The following SPDYC variants were observed in gnomAD, a reference collection of about 807,000 sequenced individuals.
SPDYC encodes the protein speedy/RINGO cell cycle regulator family member C.
SPDYC carries 25 observed loss-of-function variants against 33.9 expected under a neutral mutation model. The ratio of observed to expected loss-of-function variants is 0.74; its 90% CI spans 0.54 to 1.03. The LOEUF (loss-of-function observed/expected upper bound fraction) is 1.03, where lower values mean the gene tolerates loss of function less well. SPDYC is among the 50% of genes least tolerant of loss of function. The pLI is 0.00. For synonymous variants in SPDYC, 133 were observed against 140.2 expected (o/e 0.95, Z 0.36); for missense variants, 349 against 382.9 (o/e 0.91, Z 0.74).
intron 2 of SPDYC, among the ~76,000 whole-genome samples, 194 bp from the exon 3 acceptor site, chr11:65,171,749 C>G (rs1198757788): frequency 6.6e-6 from 1 of 151,886 alleles, no homozygotes; most frequent in African/African-American, 2.4e-5. Flanking sequence ...GCCAGGAGTT[C>G]AAGACCAGCC....
In SPDYC at chr11:65,172,418, G is replaced by T. The variant is rs557015985; in HGVS notation, c.345-16G>T. Reference sequence around the variant, plus strand: ...TGTGTGGCCTCTGCTCCCTGACCTTGTGCCTCTGTGGCTAGGTACCTTGCA... The same window carrying T: ...TGTGTGGCCTCTGCTCCCTGACCTTTTGCCTCTGTGGCTAGGTACCTTGCA... On this transcript the variant is annotated splice_polypyrimidine_tract_variant and intron_variant, in intron 4 of 6. Coordinates refer to ENST00000377185, the Ensembl canonical transcript of SPDYC. 6.2e-7 allele frequency: 1 copy of T among 1,609,522 alleles called. No individual in the cohort carries two copies. The highest frequency in any genetic ancestry group is 2.2e-5 in the East Asian group (1 of 44,734).
intron 1 of SPDYC, among the ~76,000 whole-genome samples, chr11:65,170,604 T>C (rs376057399): frequency 2.1e-5 from 3 of 143,290 alleles, no homozygotes; most frequent in Non-Finnish European, 4.8e-5. Flanking sequence ...GTTTTTTTTT[T>C]CTTTTTTTTT....
At chr11:65,172,814 G>C (rs748289343) in exon 6 of SPDYC, 13 of 1,613,992 alleles carry the variant, frequency 8.1e-6, no homozygotes, top group Non-Finnish European at 1.0e-5. Context: ...CCGCCCCACT[G>C]TTCCCCCTGT....
intron 2 of SPDYC, 34 bp from the exon 3 acceptor site, chr11:65,171,901 GTGGTGGTA>G (rs1184530482): frequency 6.3e-7 from 1 of 1,582,012 alleles, no homozygotes; most frequent in Non-Finnish European, 8.7e-7. Flanking sequence ...CTCCATGGAG[GTGGTGGTA>G]ACCTGCGTCC....
chr11:65,172,274 TCCAGCGCGC>T, exon 4 of SPDYC: 2 of 1,614,116 alleles, frequency 1.2e-6, no homozygotes, highest in East Asian at 2.2e-5. Flanking sequence ...CTGGTCTACT[TCCAGCGCGC>T]CCACCTGAAG....
chr11:65,171,414 G>A (rs755652741), exon 2 of SPDYC: 4 of 1,608,462 alleles, frequency 2.5e-6, no homozygotes, highest in Non-Finnish European at 3.4e-6. Flanking sequence ...AGGTAGAGCT[G>A]GGGGGCTGCA....
chr11:65,172,988 T>C lies in SPDYC; in HGVS notation c.821T>C (p.Leu274Pro), dbSNP rs755318479. 1.8e-5 allele frequency: 29 copies of C among 1,613,682 alleles called. No individual in the cohort carries two copies. In the Middle Eastern group the frequency reaches 9.9e-4, roughly 55 times the overall value. ...ATCGTCTTGCCTCCCCAGATGCAAC[T>C]GGAACCAGGCACCTACTCCCTCCGC... Residue 274 changes from leucine (L) to proline (P), a missense_variant, in exon 6 of 7, where the codon CTG (leucine) becomes CCG (proline). By Grantham distance (98) the Leu-to-Pro change is moderately conservative. Transcript: ENST00000377185.
chr11:65,171,973 A>G lies in SPDYC; in HGVS notation c.230A>G (p.Lys77Arg), dbSNP rs763316640. 14 of 1,613,844 alleles carry G rather than the reference A, an allele frequency of 8.7e-6. No individual in the cohort carries two copies. The Admixed American group carries it at 2.3e-4, about 27-fold the overall frequency. Residue 77 changes from lysine to arginine, a missense_variant, in exon 3 of 7, where the codon AAA becomes AGA. Transcript: ENST00000377185. ...AGTTTTGTCCAGGAATTCCTCTCCAAAGACCCCTGCTTCCAGATTTCAGAT... is the reference window on the plus strand; with the variant it reads ...AGTTTTGTCCAGGAATTCCTCTCCAGAGACCCCTGCTTCCAGATTTCAGAT...
At chr11:65,172,820 C>A in exon 6 of SPDYC, 1 of 1,614,190 alleles carries the variant, frequency 6.2e-7, no homozygotes, top group East Asian at 2.2e-5. Context: ...CACTGTTCCC[C>A]CTGTGGTTTG....
At chr11:65,171,297 T>C in intron 1 of SPDYC, 30 bp from the exon 2 acceptor site, 1 of 1,586,914 alleles carries the variant, frequency 6.3e-7, no homozygotes. Flanking sequence ...CGGGGGTACA[T>C]GCTAAGTCCT....
exon 6 of SPDYC, chr11:65,172,885 C>T (rs756747500): frequency 6.2e-7 from 1 of 1,614,210 alleles, no homozygotes; most frequent in South Asian, 1.1e-5. Flanking sequence ...GTGCCCTTCT[C>T]TGACCTCTGA....
chr11:65,172,022 G>T, intron 3 of SPDYC, 21 bp downstream of exon 3: 1 of 1,613,276 alleles, frequency 6.2e-7, no homozygotes, highest in Non-Finnish European at 8.5e-7. Flanking sequence ...ACAGGCTGGG[G>T]GTCTCTTGAG....
At chr11:65,173,082 C>G in intron 6 of SPDYC, 68 bp downstream of exon 6, 2 of 1,597,252 alleles carry the variant, frequency 1.3e-6, no homozygotes, top group South Asian at 2.3e-5. Context: ...TGAGGACCAA[C>G]AATATGAGAG....
chr11:65,171,028 G>A (rs1948425050), intron 1 of SPDYC, among the ~76,000 whole-genome samples: 1 of 152,118 alleles, frequency 6.6e-6, no homozygotes, highest in African/African-American at 2.4e-5. Flanking sequence ...GATGGAATAA[G>A]ATAAGGCCCT....
exon 4 of SPDYC, chr11:65,172,265 T>C: frequency 6.2e-7 from 1 of 1,614,216 alleles, no homozygotes; most frequent in Non-Finnish European, 8.5e-7. Context: ...GCCATGGTGC[T>C]GGTCTACTTC....
In SPDYC at chr11:65,173,165, ACT is replaced by A. The variant is rs1458540079; in HGVS notation, c.848-15_848-14del. On this transcript the variant is annotated splice_polypyrimidine_tract_variant and intron_variant, in intron 6 of 6. Transcript: ENST00000377185. ...TTGGCAGGTTTCTTCTCTGAGCCTC[ACT>A]CTTTCCTCTCCCCAGTCTTCCCAAA... The A allele has an allele frequency of 1.9e-6, 3 of 1,613,054 alleles. No homozygotes were observed. The South Asian group carries it at 3.3e-5, about 18-fold the overall frequency.
chr11:65,171,240 T>A, intron 1 of SPDYC, 87 bp from the exon 2 acceptor site: 19 of 1,358,258 alleles, frequency 1.4e-5, no homozygotes, highest in Non-Finnish European at 1.8e-5. Context: ...CACCCACCCC[T>A]CCACCGTCCT....
At chr11:65,171,250 T>G (rs1948428191) in intron 1 of SPDYC, 77 bp from the exon 2 acceptor site, 8 of 1,493,576 alleles carry the variant, frequency 5.4e-6, no homozygotes, top group Non-Finnish European at 7.2e-6. Flanking sequence ...TCCACCGTCC[T>G]GGCCCCTGTC....
exon 2 of SPDYC, chr11:65,171,369 C>T (rs1948430960): frequency 6.2e-7 from 1 of 1,612,464 alleles, no homozygotes; most frequent in African/African-American, 1.3e-5. Flanking sequence ...TGAGTGACTC[C>T]CAAGACCCCA....
Sources: allele counts gnomAD v4.1 joint callset (sites outside exome capture counted in the v4.1 genomes callset), GRCh38; gene constraint gnomAD v4.1.1; transcripts MANE v1.5; gene names NCBI Gene and HGNC (gene_info 2026-07-23, HGNC 2026-07-21).